Variants in NRXN3 observed in about 807,000 individuals in gnomAD.
NRXN3 encodes the protein neurexin 3, also known as neurexin III.
A neutral mutation model predicts 137.6 loss-of-function variants in NRXN3; 32 were observed. The observed-to-expected ratio is 0.23, with a 90% CI of 0.18 to 0.31. The LOEUF (loss-of-function observed/expected upper bound fraction) is 0.31. Ranked by LOEUF, NRXN3 falls within the 10% of genes least tolerant of loss-of-function variation. The pLI, the probability that NRXN3 is intolerant of heterozygous loss-of-function variation, is 1.00. For missense variants in NRXN3, 1,574 were observed against 2,062.5 expected, an observed-to-expected ratio of 0.76 and a Z score of 4.59; for synonymous variants, 798 against 784.5, an observed-to-expected ratio of 1.02 and a Z score of -0.29.
At chr14:79,064,138 A>G (rs978676227) in intron 15 of NRXN3, among the ~76,000 whole-genome samples, 2 of 152,244 alleles carry the variant, frequency 1.3e-5, no homozygotes, top group South Asian at 2.1e-4. Context: ...TCTCATAATC[A>G]TCAGTGCTTT....
At position 78,235,769 on chromosome 14, in the gene NRXN3, A is replaced by G. The variant is rs1267462894; in HGVS notation, c.-703-6622A>G. Among the ~76,000 whole-genome samples the G allele has an allele frequency of 2.6e-5, 4 of 152,248 alleles. No individual in the cohort carries two copies. In the East Asian group the frequency reaches 7.7e-4, roughly 29 times the overall value. On this transcript the variant is annotated intron_variant, in intron 1 of 20. Coordinates refer to ENST00000335750, the MANE Select transcript of NRXN3 (RefSeq NM_001330195.2). ...GGCTGTTTCCCCTTCTTTTTCCTAAAGGGTAAGGCTTGGTGACTAAGACTA... is the reference window on the plus strand; with the variant it reads ...GGCTGTTTCCCCTTCTTTTTCCTAAGGGGTAAGGCTTGGTGACTAAGACTA...
chr14:79,030,078 C>T (rs1489783386), intron 15 of NRXN3, among the ~76,000 whole-genome samples: 2 of 129,488 alleles, frequency 1.5e-5, no homozygotes, highest in Non-Finnish European at 3.1e-5. Context: ...AACAGGGTTT[C>T]ACCATGTTGC....
At chr14:79,557,448 T>C (rs1030756733) in intron 16 of NRXN3, among the ~76,000 whole-genome samples, 3 of 152,122 alleles carry the variant, frequency 2.0e-5, no homozygotes, top group African/African-American at 7.2e-5. Context: ...TCAGTATTCA[T>C]ATTAGGCAGA....
Position 79,209,441 on chromosome 14 carries a change from A to T in NRXN3, c.3262+221300A>T, listed in dbSNP as rs147803118. ...ACTTCTCCAAAAGTCACAATGGGTA[A>T]AGTGTTATAAATTCTGAGTCATAAG... On this transcript the variant is annotated intron_variant, in intron 15 of 20. Transcript: ENST00000335750. Among the ~76,000 whole-genome samples, 674 of 151,832 alleles carry T rather than the reference A, an allele frequency of 4.4e-3. 6 individuals carry two copies. Among genetic ancestry groups the T allele is most frequent in the African/African-American group, 0.015 (617 of 41,300 alleles).
chr14:78,172,160 G>C (rs951675135), intron 1 of NRXN3, among the ~76,000 whole-genome samples: 2 of 152,078 alleles, frequency 1.3e-5, no homozygotes, highest in African/African-American at 4.8e-5. Context: ...GTGTAATTTT[G>C]GGGGTCAGAT....
At position 79,692,268 on chromosome 14, in the gene NRXN3, C is replaced by A. The variant is rs556232071; in HGVS notation, c.3706+6C>A. 1.9e-6 allele frequency: 3 copies of A among 1,590,738 alleles called. No homozygotes were observed. Among genetic ancestry groups the A allele is most frequent in the Non-Finnish European group, 2.6e-6 (3 of 1,166,386 alleles). On this transcript the variant is annotated splice_donor_region_variant and intron_variant, in intron 18 of 20. Transcript: ENST00000335750. The stretch of plus-strand genomic sequence containing the variant: ...GGAGTGGCTGCAGGAAAAAGGTAAC[C>A]GTCATTAAAACTTTCATTTTAAAAT...
intron 10 of NRXN3, among the ~76,000 whole-genome samples, chr14:78,939,538 C>T (rs1449383585): frequency 6.6e-6 from 1 of 152,184 alleles, no homozygotes; most frequent in Non-Finnish European, 1.5e-5. Context: ...AAACACTGGT[C>T]CTGTTACACC....
intron 15 of NRXN3, among the ~76,000 whole-genome samples, chr14:79,130,584 C>T (rs1336362057): frequency 9.2e-5 from 14 of 152,100 alleles, no homozygotes; most frequent in South Asian, 2.1e-4. Flanking sequence ...GTGGGTAACC[C>T]GACCTTTCTC....
chr14:78,988,174 G>T, intron 15 of NRXN3, 33 bp downstream of exon 15: 1 of 1,612,970 alleles, frequency 6.2e-7, no homozygotes, highest in South Asian at 1.1e-5. Flanking sequence ...CTGGAACTTT[G>T]TGAAGATGTT....
At chr14:79,269,577 T>C (rs1313949220) in intron 15 of NRXN3, among the ~76,000 whole-genome samples, 5 of 152,192 alleles carry the variant, frequency 3.3e-5, no homozygotes, top group African/African-American at 9.7e-5. Context: ...CAGAGCAAAG[T>C]AGTTCTGCAG....
chr14:79,162,775 A>G (rs989610351), intron 15 of NRXN3, among the ~76,000 whole-genome samples: 3 of 151,882 alleles, frequency 2.0e-5, no homozygotes, highest in African/African-American at 7.3e-5. Flanking sequence ...TTGTTACATG[A>G]ATTACCAAAT....
At chr14:78,788,667 C>T (rs1387521123) in intron 8 of NRXN3, among the ~76,000 whole-genome samples, 1 of 152,184 alleles carries the variant, frequency 6.6e-6, no homozygotes, top group Non-Finnish European at 1.5e-5. Context: ...AGGGTCTGCT[C>T]TTAATAGACC....
chr14:78,276,130 G>T (rs1397779172), intron 2 of NRXN3, among the ~76,000 whole-genome samples: 5 of 152,310 alleles, frequency 3.3e-5, no homozygotes, highest in South Asian at 4.1e-4. Context: ...TTGTTCATTT[G>T]TTTGTTTTTG....
chr14:78,904,917 T>C (rs1477968518), intron 10 of NRXN3, among the ~76,000 whole-genome samples: 3 of 152,044 alleles, frequency 2.0e-5, no homozygotes, highest in African/African-American at 7.2e-5. Context: ...TCACCTACCA[T>C]GTGGTATTAC....
intron 16 of NRXN3, among the ~76,000 whole-genome samples, chr14:79,617,523 T>G (rs1360737981): frequency 2.0e-5 from 3 of 152,164 alleles, no homozygotes; most frequent in Non-Finnish European, 4.4e-5. Flanking sequence ...ATATTATGTC[T>G]TCTGTAGTCA....
rs147349454 is a variant in NRXN3, at chr14:79,718,624, C to A, written c.4014+20687C>A. ...ATAGCAGCCAGGCCCCCACTACAGGCCCACCCAGCTTGATGGCCTCACCCT... is the reference window on the plus strand; with the variant it reads ...ATAGCAGCCAGGCCCCCACTACAGGACCACCCAGCTTGATGGCCTCACCCT... On this transcript the variant is annotated intron_variant, in intron 19 of 20. Coordinates refer to ENST00000335750, the MANE Select transcript of NRXN3 (RefSeq NM_001330195.2). Among the ~76,000 whole-genome samples the A allele has an allele frequency of 1.7e-3, 258 of 152,280 alleles. 2 individuals carry two copies. Among genetic ancestry groups the A allele is most frequent in the African/African-American group, 5.7e-3 (236 of 41,566 alleles).
At chr14:78,640,449 A>T (rs1011217856) in intron 4 of NRXN3, among the ~76,000 whole-genome samples, 1 of 152,196 alleles carries the variant, frequency 6.6e-6, no homozygotes, top group South Asian at 2.1e-4. Context: ...GGCAGGCCTA[A>T]TTAAACAGTT....
chr14:79,040,400 G>A (rs938821032), intron 15 of NRXN3, among the ~76,000 whole-genome samples: 1 of 152,140 alleles, frequency 6.6e-6, no homozygotes, highest in African/African-American at 2.4e-5. Flanking sequence ...AAAATGTTGT[G>A]GCTACAAAGA....
chr14:79,457,291 A>T (rs2096271010), intron 15 of NRXN3, among the ~76,000 whole-genome samples: 1 of 152,228 alleles, frequency 6.6e-6, no homozygotes, highest in African/African-American at 2.4e-5. Flanking sequence ...GTCAAAAAAC[A>T]AACAAATAAA....
Sources: gnomAD v4.1 joint callset for allele counts (sites outside exome capture counted in the v4.1 genomes callset) on GRCh38, gnomAD v4.1.1 for gene constraint, MANE v1.5 for transcripts, NCBI Gene and HGNC (gene_info 2026-07-23, HGNC 2026-07-21) for gene names.